NDUFAF6: variants seen among roughly 807,000 people sequenced by gnomAD.
NDUFAF6 encodes NADH dehydrogenase (ubiquinone) complex I, assembly factor 6.
In NDUFAF6, 45 loss-of-function variants were observed where a neutral mutation model predicts 40.8. The ratio of observed to expected loss-of-function variants is 1.10; its 90% CI spans 0.87 to 1.42. The LOEUF is 1.42. NDUFAF6 is among the 40% of genes most tolerant of loss of function. The pLI, the probability that NDUFAF6 is intolerant of heterozygous loss-of-function variation, is 0.00. For synonymous variants in NDUFAF6, 185 were observed against 155.9 expected (o/e 1.19, Z -1.39); for missense variants, 435 against 418.5 (o/e 1.04, Z -0.34).
chr8:95,092,998 C>T (rs1011502514), intron 2 of NDUFAF6, among the ~76,000 whole-genome samples: 2 of 152,162 alleles, frequency 1.3e-5, no homozygotes, highest in Non-Finnish European at 2.9e-5. Flanking sequence ...GAACATTTGT[C>T]CCTAAGAATC....
intron 2 of NDUFAF6, among the ~76,000 whole-genome samples, chr8:95,011,942 G>A (rs1461625105): frequency 6.6e-6 from 1 of 152,138 alleles, no homozygotes; most frequent in Non-Finnish European, 1.5e-5. Context: ...GGAGCCTTAT[G>A]GATATGCATC....
At chr8:94,918,261 G>A (rs2467671) in intron 1 of NDUFAF6, among the ~76,000 whole-genome samples, 7,556 of 152,162 alleles carry the variant, frequency 0.05, 245 homozygotes, top group Middle Eastern at 0.065. Context: ...AGAGGGGCTC[G>A]TGTCCCCTAG....
At chr8:95,056,118 G>A (rs1832094101) in intron 8 of NDUFAF6, among the ~76,000 whole-genome samples, 1 of 152,032 alleles carries the variant, frequency 6.6e-6, no homozygotes, top group South Asian at 2.1e-4. Flanking sequence ...ATGTTTCTGA[G>A]ATTTGTACAT....
intron 1 of NDUFAF6, among the ~76,000 whole-genome samples, chr8:94,940,406 A>C (rs1467207850): frequency 1.3e-5 from 2 of 151,876 alleles, no homozygotes; most frequent in Non-Finnish European, 2.9e-5. Flanking sequence ...ATTTATATTC[A>C]TCTATATGAC....
rs541453663 is a variant in NDUFAF6 at position 94,927,729 on chromosome 8, T to C, written c.-935-17754T>C. The C allele has an allele frequency of 3.3e-5, 5 of 152,564 alleles. No individual in the cohort carries two copies. In the East Asian group the frequency reaches 9.6e-4, roughly 29 times the overall value. The allele number at this position is 152,564 out of a possible 1,614,324, so 9.5% of individuals were successfully genotyped here. A position where few individuals can be genotyped will look rare whatever the true frequency, so the allele number is the denominator to read the frequency against. On this transcript the variant is annotated intron_variant, in intron 1 of 14. Coordinates refer to the NDUFAF6 transcript ENST00000396113. ...AAACTTTGAGAAACATGGCGCACTA[T>C]AAAAGCTAAGAAACTCATTCACGAA... is the stretch of plus-strand genomic sequence containing the variant.
At chr8:94,904,205 G>A (rs1014519829) in intron 1 of NDUFAF6, among the ~76,000 whole-genome samples, 9 of 150,864 alleles carry the variant, frequency 6.0e-5, no homozygotes, top group African/African-American at 1.2e-4. Flanking sequence ...GTGCAGTGGC[G>A]CGATCTCGGC....
At chr8:95,111,903 T>A (rs1810008315) in intron 4 of NDUFAF6, among the ~76,000 whole-genome samples, 1 of 152,234 alleles carries the variant, frequency 6.6e-6, no homozygotes, top group Admixed American at 6.5e-5. Context: ...TCACTTTATA[T>A]CCTCCAGCTA....
At chr8:94,910,388 G>A (rs1275312984) in intron 1 of NDUFAF6, among the ~76,000 whole-genome samples, 1 of 152,102 alleles carries the variant, frequency 6.6e-6, no homozygotes, top group Non-Finnish European at 1.5e-5. Context: ...CCTGACCTCG[G>A]GTGAACCACC....
At chr8:95,079,976 T>G (rs71532344), downstream of NDUFAF6, among the ~76,000 whole-genome samples, 5 of 113,598 alleles carry the variant, frequency 4.4e-5, no homozygotes, top group South Asian at 3.7e-4. Context: ...AGTGATTTTT[T>G]GTAGTGTATT....
chr8:94,927,933 T>C (rs1820044652), intron 1 of NDUFAF6: 1 of 148,764 alleles, frequency 6.7e-6, no homozygotes, highest in African/African-American at 2.5e-5. Context: ...GCTCATAAAA[T>C]GCATTTTGGC....
intron 1 of NDUFAF6, among the ~76,000 whole-genome samples, chr8:94,921,227 C>T (rs1398099616): frequency 6.6e-6 from 1 of 152,216 alleles, no homozygotes; most frequent in Non-Finnish European, 1.5e-5. Flanking sequence ...GTCAACTTCC[C>T]CCACTTGTGG....
At chr8:95,090,521 G>A (rs1328204617) in intron 2 of NDUFAF6, among the ~76,000 whole-genome samples, 3 of 152,054 alleles carry the variant, frequency 2.0e-5, no homozygotes, top group Admixed American at 6.5e-5. Flanking sequence ...TCCCCTCCCT[G>A]CTTTTCTCCT....
At chr8:95,031,275 C>T (rs924936583) in intron 1 of NDUFAF6, among the ~76,000 whole-genome samples, 4 of 152,168 alleles carry the variant, frequency 2.6e-5, no homozygotes, top group Non-Finnish European at 5.9e-5. Context: ...TCAGCAGGTG[C>T]TGCAAGGAAA....
chr8:94,964,307 T>C (rs920263877), intron 1 of NDUFAF6, among the ~76,000 whole-genome samples: 5 of 151,994 alleles, frequency 3.3e-5, no homozygotes, highest in African/African-American at 1.2e-4. Flanking sequence ...CACATGCCTG[T>C]AGTCCCAGCT....
chr8:95,104,124 G>C (rs183577562), downstream of NDUFAF6, among the ~76,000 whole-genome samples: 9 of 152,238 alleles, frequency 5.9e-5, no homozygotes, highest in East Asian at 1.7e-3. Context: ...CAATCCTCCT[G>C]CCTCCACCTC....
In NDUFAF6 at chr8:95,058,503, T is replaced by C. The variant is rs1001046147; in HGVS notation, c.*566T>C. 1.6e-6 allele frequency: 2 copies of C among 1,226,456 alleles called. No individual in the cohort carries two copies. Among genetic ancestry groups the C allele is most frequent in the East Asian group, 3.2e-5 (1 of 31,408 alleles). 76.0% of individuals were successfully genotyped at this position (1,226,456 alleles called of 1,614,324 possible). On this transcript the variant is annotated 3_prime_UTR_variant, in exon 9 of 9. Coordinates refer to ENST00000396124, the MANE Select transcript of NDUFAF6 (RefSeq NM_152416.4). ...TTATCCATGATAATAACATAACTTC[T>C]TTAAGGTTGGAGTGGCTGGCAAGAG...
exon 10 of NDUFAF6, chr8:95,075,996 A>G (rs1833010604): frequency 7.9e-6 from 2 of 253,256 alleles, no homozygotes; most frequent in South Asian, 4.4e-5. Context: ...TGAAATCTCT[A>G]AAGAGTGGTG....
At chr8:95,108,899 A>G (rs1809916716) in intron 4 of NDUFAF6, among the ~76,000 whole-genome samples, 1 of 152,232 alleles carries the variant, frequency 6.6e-6, no homozygotes, top group African/African-American at 2.4e-5. Context: ...AATGGTTAAA[A>G]TGGTAAATTT....
chr8:95,003,443 A>G (rs1294951154), intron 2 of NDUFAF6, among the ~76,000 whole-genome samples: 1 of 152,202 alleles, frequency 6.6e-6, no homozygotes, highest in Admixed American at 6.5e-5. Context: ...CTGGCTCAGT[A>G]CTGGGTAGGT....
Sources: gnomAD v4.1 joint callset for allele counts (sites outside exome capture counted in the v4.1 genomes callset) on GRCh38, gnomAD v4.1.1 for gene constraint, MANE v1.5 for transcripts, NCBI Gene and HGNC (gene_info 2026-07-23, HGNC 2026-07-21) for gene names.